MCM2: variants seen among roughly 807,000 people sequenced by gnomAD.
MCM2 encodes the protein DNA replication licensing factor MCM2.
MCM2 carries 49 observed loss-of-function variants against 86.4 expected under a neutral mutation model. The ratio of observed to expected loss-of-function variants is 0.57; its 90% CI spans 0.45 to 0.72. The LOEUF is 0.72. Among genes scored for constraint, MCM2 ranks in the 30% least tolerant of loss-of-function variants. The pLI is 0.00. For missense variants in MCM2, 1,038 were observed against 1,259.9 expected (o/e 0.82, Z 2.67); for synonymous variants, 475 against 484.6 (o/e 0.98, Z 0.26).
intron 2 of MCM2, chr3:127,604,170 C>G (rs74799888): frequency 0.046 from 7,662 of 167,844 alleles, 621 homozygotes; most frequent in African/African-American, 0.17. Context: ...CATCCATCCA[C>G]AAAAGTCTTT....
rs576178645 is a variant in MCM2 at position 127,606,013 on chromosome 3, A to G, written c.674-105A>G. On this transcript the variant is annotated intron_variant, in intron 4 of 15. Coordinates refer to ENST00000265056, the MANE Select transcript of MCM2 (RefSeq NM_004526.4). This position sits in a 1 kb window ranked among gnomAD's most constrained non-coding sequence, Gnocchi z 4.2. ...TGAAAGCTGGGCTTTCTAGGTCAAA[A>G]TCAATGGTCGGGGTGGGTAGGCCTT... 1.2e-4 allele frequency: 99 copies of G among 817,150 alleles called. 1 individual carries two copies. The highest frequency in any genetic ancestry group is 3.7e-4 in the Admixed American group (17 of 45,614). The allele number at this position is 817,150 out of a possible 1,614,324, so 50.6% of individuals were successfully genotyped here. A position where few individuals can be genotyped will look rare whatever the true frequency, so the allele number is the denominator to read the frequency against.
Position 127,608,363 on chromosome 3 carries a change from T to C in MCM2, c.1102-19T>C. The C allele has an allele frequency of 1.2e-6, 2 of 1,613,160 alleles. No individual in the cohort carries two copies. The highest frequency in any genetic ancestry group is 1.7e-6 in the Non-Finnish European group (2 of 1,179,196). ...CATAGTAAGTCAGTGATTTGAGGCCTTCTGTGTGTCCCTCGCAGACCATCT... is the reference window on the plus strand; with the variant it reads ...CATAGTAAGTCAGTGATTTGAGGCCCTCTGTGTGTCCCTCGCAGACCATCT... On this transcript the variant is annotated intron_variant, in intron 6 of 15. Coordinates refer to ENST00000265056, the MANE Select transcript of MCM2 (RefSeq NM_004526.4).
At position 127,608,830 on chromosome 3, in the gene MCM2, A is replaced by C. The variant is rs1169293261; in HGVS notation, c.1237-2A>C. On this transcript the variant is annotated splice_acceptor_variant, in intron 7 of 15. Coordinates refer to ENST00000265056, the MANE Select transcript of MCM2 (RefSeq NM_004526.4). LOFTEE classifies it high-confidence loss of function. ...GACTTCTTGGCCCCTCCCTTTCCCC[A>C]GGAGCTGACTGGCATCTATCACAAC... The C allele has an allele frequency of 6.2e-7, 1 of 1,613,786 alleles. No individual in the cohort carries two copies. Among genetic ancestry groups the C allele is most frequent in the Non-Finnish European group, 8.5e-7 (1 of 1,179,814 alleles).
chr3:127,616,006 G>A, intron 9 of MCM2, 51 bp downstream of exon 9: 1 of 1,396,472 alleles, frequency 7.2e-7, no homozygotes. Context: ...TCTCTTTGGG[G>A]AGCCAGCATT....
chr3:127,618,503 C>T lies in MCM2; in HGVS notation c.2013+422C>T, dbSNP rs889382707. ...TCAGAATAGAATCCAGGGTCCTCCC[C>T]TCCGGCCCGCACCCGCCATCTCTGC... is the stretch of plus-strand genomic sequence containing the variant. On this transcript the variant is annotated intron_variant, in intron 12 of 15. Coordinates refer to ENST00000265056, the MANE Select transcript of MCM2 (RefSeq NM_004526.4). The surrounding 1 kb of genome is among the most constrained non-coding windows in gnomAD (Gnocchi z 4.0). 2.0e-5 allele frequency among the ~76,000 whole-genome samples: 3 copies of T among 152,180 alleles called. No individual in the cohort carries two copies. Among genetic ancestry groups the T allele is most frequent in the African/African-American group, 7.2e-5 (3 of 41,442 alleles).
chr3:127,608,545 GC>G, intron 7 of MCM2, 29 bp downstream of exon 7: 1 of 1,612,832 alleles, frequency 6.2e-7, no homozygotes, highest in Non-Finnish European at 8.5e-7. Flanking sequence ...CTGGGAGGGA[GC>G]CAAGTTGCAG....
rs746071964 is a variant in MCM2, at chr3:127,620,682, C to T, written c.2266-16C>T. On this transcript the variant is annotated splice_polypyrimidine_tract_variant and intron_variant, in intron 13 of 15. Coordinates refer to ENST00000265056, the MANE Select transcript of MCM2 (RefSeq NM_004526.4). Reference sequence around the variant, plus strand: ...TTTCCTGCCCGTGAAAGACCTGACACTGTGCTTCTCTCCAGGCGACAGGCA... The same window carrying T: ...TTTCCTGCCCGTGAAAGACCTGACATTGTGCTTCTCTCCAGGCGACAGGCA... The T allele has an allele frequency of 1.9e-6, 3 of 1,573,250 alleles. No homozygotes were observed. Among genetic ancestry groups the T allele is most frequent in the East Asian group, 4.5e-5 (2 of 44,136 alleles).
intron 1 of MCM2, chr3:127,599,062 C>T (rs886358550): frequency 1.4e-4 from 77 of 558,846 alleles, no homozygotes; most frequent in Non-Finnish European, 6.4e-6. Context: ...GGAGAAAGCA[C>T]GGTGATGTGG....
intron 8 of MCM2, chr3:127,611,050 G>A (rs892729079): frequency 4.6e-6 from 2 of 437,040 alleles, no homozygotes; most frequent in African/African-American, 4.1e-5. Context: ...CCAATAATAG[G>A]AAATAGACAA....
At chr3:127,598,613 C>A in intron 1 of MCM2, 141 bp downstream of exon 1, 1 of 1,199,850 alleles carries the variant, frequency 8.3e-7, no homozygotes, top group Non-Finnish European at 1.1e-6. Context: ...ACTTTCTCGC[C>A]TGCACCCTGC....
At position 127,608,946 on chromosome 3, in the gene MCM2, G is replaced by T. The variant is rs748832537; in HGVS notation, c.1351G>T (p.Val451Phe). Reference sequence around the variant, plus strand: ...CCACGTGGCCAAGAAGGACAACAAGGTTGCTGTAGGGGAACTGACCGATGA... The same window carrying T: ...CCACGTGGCCAAGAAGGACAACAAGTTTGCTGTAGGGGAACTGACCGATGA... ...ANHVAKKDNK[V>F]AVGELTDEDV... The change falls in exon 8 of 16, where the codon GTT becomes TTT. Residue 451 changes from valine (V) to phenylalanine (F), a missense_variant. Val to Phe is a conservative substitution (Grantham distance 50, BLOSUM62 -1). This residue lies in a region of MCM2 where 399 missense variants were observed against 507.2 expected (regional missense o/e 0.79). Coordinates refer to ENST00000265056, the MANE Select transcript of MCM2 (RefSeq NM_004526.4). 6.2e-6 allele frequency: 10 copies of T among 1,614,198 alleles called. No homozygotes were observed. The Admixed American group carries it at 6.7e-5, about 11-fold the overall frequency.
intron 8 of MCM2, among the ~76,000 whole-genome samples, chr3:127,612,405 A>G (rs17538607): frequency 0.022 from 3,366 of 152,352 alleles, 58 homozygotes; most frequent in Non-Finnish European, 0.03. Context: ...ACCCTTATCT[A>G]TAGAAATGAG....
intron 1 of MCM2, 139 bp from the exon 2 acceptor site, chr3:127,599,179 G>A: frequency 2.8e-6 from 2 of 727,066 alleles, no homozygotes; most frequent in East Asian, 4.9e-5. Flanking sequence ...AAGATCTGGA[G>A]GCTGGAAGGG....
Position 127,606,273 on chromosome 3 carries a change from A to G in MCM2, c.829A>G (p.Ile277Val), listed in dbSNP as rs1302017531. The change falls in exon 5 of 16, where the codon ATC becomes GTC. Residue 277 changes from isoleucine to valine, a missense_variant. Coordinates refer to ENST00000265056, the MANE Select transcript of MCM2 (RefSeq NM_004526.4). The surrounding 1 kb of genome is among the most constrained non-coding windows in gnomAD (Gnocchi z 4.2). The stretch of plus-strand genomic sequence containing the variant: ...GGCCATGTACCCCAAGTACGACCGC[A>G]TCACCAACCACATCCATGTCCGCAT... ...VLAMYPKYDR[I>V]TNHIHVRISH... 2 of 1,614,112 alleles carry G rather than the reference A, an allele frequency of 1.2e-6. No homozygotes were observed. The highest frequency in any genetic ancestry group is 1.7e-6 in the Non-Finnish European group (2 of 1,180,048).
intron 1 of MCM2, chr3:127,598,864 C>T (rs980264452): frequency 3.0e-5 from 11 of 363,462 alleles, no homozygotes; most frequent in Admixed American, 8.8e-5. Flanking sequence ...ACCTTCTTGT[C>T]CCTTTGTCTT....
At position 127,599,513 on chromosome 3, in the gene MCM2, G is replaced by A. The variant is rs775184023; in HGVS notation, c.202G>A (p.Asp68Asn). The A allele has an allele frequency of 1.9e-5, 30 of 1,613,932 alleles. No homozygotes were observed. The highest frequency in any genetic ancestry group is 2.5e-5 in the Non-Finnish European group (29 of 1,179,970). Residue 68 changes from aspartate to asparagine, a missense_variant, in exon 2 of 16, where the codon GAT becomes AAT. Transcript: ENST00000265056. ...GTEGPLEEEE[D>N]GEELIGDGME... ...AGAGGGGCCCCTGGAGGAAGAAGAG[G>A]ATGGAGAGGAGCTCATTGGAGATGG...
intron 8 of MCM2, among the ~76,000 whole-genome samples, chr3:127,610,592 G>A (rs2074387129): frequency 6.6e-6 from 1 of 152,114 alleles, no homozygotes; most frequent in African/African-American, 2.4e-5. Flanking sequence ...GGTTTGTTCT[G>A]TTCCTTTCTT....
intron 2 of MCM2, among the ~76,000 whole-genome samples, chr3:127,603,476 T>C (rs2074320657): frequency 6.6e-6 from 1 of 151,082 alleles, no homozygotes; most frequent in Non-Finnish European, 1.5e-5. Context: ...TGTTTGTTTG[T>C]TTGTTTTGTT....
In MCM2 at chr3:127,605,061, T is replaced by A; in HGVS notation, c.578T>A (p.Leu193Gln). 1 of 1,613,896 alleles carries A rather than the reference T, an allele frequency of 6.2e-7. No individual in the cohort carries two copies. Among genetic ancestry groups the A allele is most frequent in the South Asian group, 1.1e-5 (1 of 91,086 alleles). Residue 193 changes from leucine to glutamine, a missense_variant, in exon 4 of 16, where the codon CTG becomes CAG. Transcript: ENST00000265056. ...TGGGTGAGCATGGCGGGCCCCCGGC[T>A]GGAGATCCACCACCGCTTCAAGAAC... ...REWVSMAGPR[L>Q]EIHHRFKNFL...
Sources: allele counts gnomAD v4.1 joint callset (sites outside exome capture counted in the v4.1 genomes callset), GRCh38; gene constraint gnomAD v4.1.1; regional missense constraint gnomAD v4.1.1; non-coding constraint Gnocchi (gnomAD v3.1); transcripts MANE v1.5; gene names NCBI Gene and HGNC (gene_info 2026-07-23, HGNC 2026-07-21).